Variants in CDC14A observed in about 807,000 individuals in gnomAD.
CDC14A encodes cell division cycle 14A.
A neutral mutation model predicts 74.4 loss-of-function variants in CDC14A; 53 were observed. The ratio of observed to expected loss-of-function variants is 0.71; its 90% CI spans 0.57 to 0.89. The LOEUF is 0.89. Among genes scored for constraint, CDC14A ranks in the 40% least tolerant of loss-of-function variants. The pLI is 0.00. For synonymous variants in CDC14A, 247 were observed against 258.4 expected (o/e 0.96, Z 0.43); for missense variants, 646 against 713.7 (o/e 0.91, Z 1.08).
chr1:100,429,923 T>C (rs1663453101), intron 5 of CDC14A, among the ~76,000 whole-genome samples: 1 of 152,050 alleles, frequency 6.6e-6, no homozygotes, highest in African/African-American at 2.4e-5. Context: ...CTTTTTGTTT[T>C]TTTGAGATGG....
rs1374163608 is a variant in CDC14A, at chr1:100,424,207, A to G, written c.310-15A>G. On this transcript the variant is annotated splice_polypyrimidine_tract_variant and intron_variant, in intron 4 of 15. Coordinates refer to ENST00000336454, the MANE Select transcript of CDC14A (RefSeq NM_003672.4). Reference sequence around the variant, plus strand: ...ATTCTTGGGTGTTCTAAATGTTACTATTTATCTGTCTTAGGTAATCTATTT... The same window carrying G: ...ATTCTTGGGTGTTCTAAATGTTACTGTTTATCTGTCTTAGGTAATCTATTT... 6 of 1,590,862 alleles carry G rather than the reference A, an allele frequency of 3.8e-6. No homozygotes were observed. Among genetic ancestry groups the G allele is most frequent in the East Asian group, 2.2e-5 (1 of 44,734 alleles).
intron 2 of CDC14A, among the ~76,000 whole-genome samples, chr1:100,365,113 A>G (rs1653385545): frequency 6.6e-6 from 1 of 152,212 alleles, no homozygotes; most frequent in Non-Finnish European, 1.5e-5. Context: ...TATGATCTCA[A>G]CAAATGTCAG....
intron 2 of CDC14A, among the ~76,000 whole-genome samples, chr1:100,376,148 G>A (rs554710603): frequency 1.2e-4 from 18 of 151,998 alleles, no homozygotes; most frequent in Non-Finnish European, 2.4e-4. Flanking sequence ...GGGCCTGCCT[G>A]TCATGGGGTG....
intron 5 of CDC14A, among the ~76,000 whole-genome samples, chr1:100,439,371 A>G (rs17122495): frequency 0.02 from 3,011 of 152,162 alleles, 109 homozygotes; most frequent in African/African-American, 0.069. Flanking sequence ...CTATCTTTTA[A>G]GCTTGTTTTT....
chr1:100,468,806 A>C (rs186756651), intron 10 of CDC14A, among the ~76,000 whole-genome samples: 2 of 152,344 alleles, frequency 1.3e-5, no homozygotes, highest in African/African-American at 4.8e-5. Flanking sequence ...CAAGAAGATG[A>C]AGTTAGTACT....
At chr1:100,437,082 G>A (rs1383605425) in intron 5 of CDC14A, among the ~76,000 whole-genome samples, 2 of 152,074 alleles carry the variant, frequency 1.3e-5, no homozygotes, top group Non-Finnish European at 2.9e-5. Context: ...GCTAATTCAG[G>A]GGCTGAGGCT....
intron 11 of CDC14A, among the ~76,000 whole-genome samples, chr1:100,493,267 G>T (rs1047263084): frequency 6.6e-6 from 1 of 152,154 alleles, no homozygotes; most frequent in Non-Finnish European, 1.5e-5. Flanking sequence ...GGTCCTCCTA[G>T]AAGCTTTCTT....
intron 4 of CDC14A, among the ~76,000 whole-genome samples, chr1:100,419,800 A>G (rs952079537): frequency 7.9e-5 from 12 of 152,014 alleles, no homozygotes; most frequent in South Asian, 6.2e-4. Context: ...TATCGTGCCA[A>G]TGTTCCAGTG....
Position 100,377,528 on chromosome 1 carries a change from G to A in CDC14A, c.141-18G>A, listed in dbSNP as rs1352634768. 2 of 1,581,420 alleles carry A rather than the reference G, an allele frequency of 1.3e-6. No homozygotes were observed. The highest frequency in any genetic ancestry group is 1.8e-5 in the Admixed American group (1 of 56,380). ...ACTTTGACTAAATACTACGTTTTTT[G>A]TTTTTCTTGTATCTTAGTTTCTATG... On this transcript the variant is annotated intron_variant, in intron 2 of 15. Transcript: ENST00000336454.
intron 9 of CDC14A, among the ~76,000 whole-genome samples, chr1:100,466,501 G>T (rs1479091263): frequency 2.0e-5 from 3 of 152,062 alleles, no homozygotes; most frequent in African/African-American, 4.8e-5. Flanking sequence ...TTGATCTGGG[G>T]CAAGGGTTCC....
At chr1:100,484,535 G>A (rs1324635633) in intron 11 of CDC14A, 84 bp downstream of exon 11, 1 of 1,381,222 alleles carries the variant, frequency 7.2e-7, no homozygotes, top group Non-Finnish European at 9.4e-7. Context: ...ACATAGCAGT[G>A]TCTTTTCTCT....
intron 3 of CDC14A, among the ~76,000 whole-genome samples, chr1:100,388,322 A>T (rs1429169325): frequency 6.6e-6 from 1 of 152,190 alleles, no homozygotes; most frequent in Admixed American, 6.5e-5. Flanking sequence ...AAACCAACCA[A>T]CCACCCAACA....
chr1:100,498,265 G>A, intron 14 of CDC14A, 58 bp downstream of exon 14: 2 of 1,582,820 alleles, frequency 1.3e-6, no homozygotes, highest in South Asian at 1.2e-5. Context: ...GCTTGCAGCA[G>A]GCGATGAGTT....
intron 7 of CDC14A, among the ~76,000 whole-genome samples, chr1:100,448,468 C>A (rs1665789134): frequency 6.6e-6 from 1 of 152,230 alleles, no homozygotes; most frequent in Non-Finnish European, 1.5e-5. Context: ...ATGACAGAGG[C>A]ACCTGTTACT....
rs146049070 is a variant in CDC14A, at chr1:100,386,509, T to C, written c.217-4223T>C. On this transcript the variant is annotated intron_variant, in intron 3 of 15. Coordinates refer to ENST00000336454, the MANE Select transcript of CDC14A (RefSeq NM_003672.4). Reference sequence around the variant, plus strand: ...TGATGTAACCTTGCAAGTGTTCTCCTTGAAGGGCCCACTCATCATATTTGC... The same window carrying C: ...TGATGTAACCTTGCAAGTGTTCTCCCTGAAGGGCCCACTCATCATATTTGC... 3.7e-3 allele frequency among the ~76,000 whole-genome samples: 560 copies of C among 152,280 alleles called. 4 individuals carry two copies. Among genetic ancestry groups the C allele is most frequent in the Middle Eastern group, 0.017 (5 of 294 alleles).
chr1:100,429,777 A>T (rs555175658), intron 5 of CDC14A, among the ~76,000 whole-genome samples: 1,840 of 147,856 alleles, frequency 0.012, 39 homozygotes, highest in African/African-American at 0.043. Context: ...TCAAGTGTGT[A>T]TATATATATA....
At chr1:100,366,806 C>T (rs181193032) in intron 2 of CDC14A, among the ~76,000 whole-genome samples, 65 of 152,240 alleles carry the variant, frequency 4.3e-4, no homozygotes, top group Admixed American at 3.0e-3. Context: ...ATGGATGGAC[C>T]GATTTTCCCT....
At chr1:100,511,172 A>T (rs1356383247) in intron 15 of CDC14A, among the ~76,000 whole-genome samples, 1 of 152,126 alleles carries the variant, frequency 6.6e-6, no homozygotes, top group East Asian at 1.9e-4. Context: ...CTCCGTTTGC[A>T]GGTCTCCTCA....
chr1:100,403,737 C>T (rs1659568338), intron 4 of CDC14A, among the ~76,000 whole-genome samples: 1 of 152,180 alleles, frequency 6.6e-6, no homozygotes. Context: ...TTCTTCCTGG[C>T]AACCAAAATG....
Sources: allele counts gnomAD v4.1 joint callset (sites outside exome capture counted in the v4.1 genomes callset), GRCh38; gene constraint gnomAD v4.1.1; transcripts MANE v1.5; gene names NCBI Gene and HGNC (gene_info 2026-07-23, HGNC 2026-07-21).